Variants in AGO2 observed in about 807,000 individuals in gnomAD.
AGO2 encodes protein argonaute-2.
Under a neutral mutation model 102.3 loss-of-function variants are expected in AGO2, and 5 were observed. The observed-to-expected ratio is 0.05, with a 90% CI of 0.03 to 0.10. AGO2 has a LOEUF of 0.10. Ranked by LOEUF, AGO2 falls within the 10% of genes least tolerant of loss-of-function variation. The pLI is 1.00. For synonymous variants in AGO2, 449 were observed against 473.1 expected, an observed-to-expected ratio of 0.95 and a Z score of 0.66; for missense variants, 541 against 1,183.7, an observed-to-expected ratio of 0.46 and a Z score of 7.97.
chr8:140,568,456 C>T (rs528487283), intron 3 of AGO2, among the ~76,000 whole-genome samples: 1 of 152,264 alleles, frequency 6.6e-6, no homozygotes, highest in South Asian at 2.1e-4. Flanking sequence ...GAGGGAGGCA[C>T]TGCAGGCGTG....
At chr8:140,547,718 C>G in intron 12 of AGO2, 91 bp from the exon 13 acceptor site, 1 of 1,508,534 alleles carries the variant, frequency 6.6e-7, no homozygotes, top group Non-Finnish European at 8.9e-7. Context: ...CTCTTGCCCC[C>G]ATCTGGCAAG....
chr8:140,541,456 C>T, intron 14 of AGO2, 98 bp from the exon 15 acceptor site: 1 of 1,176,032 alleles, frequency 8.5e-7, no homozygotes, highest in Non-Finnish European at 1.2e-6. Context: ...GAGAAGTGTC[C>T]CCACCCTGGA....
In AGO2 at chr8:140,567,012, C is replaced by T. The variant is rs1462336153; in HGVS notation, c.337-4378G>A. 6.6e-6 allele frequency among the ~76,000 whole-genome samples: 1 copy of T among 152,258 alleles called. No homozygotes were observed. The highest frequency in any genetic ancestry group is 1.5e-5 in the Non-Finnish European group (1 of 68,042). ...CCCGAGTACATCTGCGGCAACAGCA[C>T]TCGGCATCCAGCCTACAGTGCTGTG... is the stretch of plus-strand genomic sequence containing the variant. On this transcript the variant is annotated intron_variant, in intron 3 of 18. Transcript: ENST00000220592. The surrounding 1 kb of genome is among the most constrained non-coding windows in gnomAD (Gnocchi z 5.0).
At chr8:140,535,960 A>G (rs1345507657) in intron 16 of AGO2, among the ~76,000 whole-genome samples, 1 of 152,228 alleles carries the variant, frequency 6.6e-6, no homozygotes, top group Non-Finnish European at 1.5e-5. Context: ...GCTGCGGACA[A>G]GCCATCATCC....
chr8:140,557,379 G>T lies in AGO2; in HGVS notation c.879-143C>A. On this transcript the variant is annotated intron_variant, in intron 7 of 18. Coordinates refer to ENST00000220592, the MANE Select transcript of AGO2 (RefSeq NM_012154.5). This position sits in a 1 kb window ranked among gnomAD's most constrained non-coding sequence, Gnocchi z 5.9. ...TCCGGGAGTGAAAACCATGTCATGT[G>T]CTTTGGGTTATCTGGAATGTTTCTG... 9.3e-7 allele frequency: 1 copy of T among 1,073,550 alleles called. No individual in the cohort carries two copies. Among genetic ancestry groups the T allele is most frequent in the Non-Finnish European group, 1.3e-6 (1 of 769,322 alleles). 66.5% of individuals were successfully genotyped at this position (1,073,550 alleles called of 1,614,324 possible).
chr8:140,618,910 T>C lies in AGO2; in HGVS notation c.22+16575A>G, dbSNP rs537391612. Among the ~76,000 whole-genome samples the C allele has an allele frequency of 5.9e-5, 9 of 152,070 alleles. No individual in the cohort carries two copies. The East Asian group carries it at 1.7e-3, about 29-fold the overall frequency. ...TTACTTCCACATCTCCTAAACTATT[T>C]GAAATGAGCATGTCTTTCTTTTTAT... On this transcript the variant is annotated intron_variant, in intron 1 of 18. Transcript: ENST00000220592.
chr8:140,608,086 T>C (rs1416085324), intron 1 of AGO2, among the ~76,000 whole-genome samples: 1 of 152,176 alleles, frequency 6.6e-6, no homozygotes, highest in Admixed American at 6.5e-5. Context: ...CAACAGGTTC[T>C]TTAGATCTTT....
At chr8:140,546,673 G>A (rs114934130) in intron 13 of AGO2, among the ~76,000 whole-genome samples, 152 of 152,362 alleles carry the variant, frequency 1.0e-3, no homozygotes, top group African/African-American at 3.5e-3. Flanking sequence ...CGCCACAGGG[G>A]CTGCCTATGG....
intron 14 of AGO2, among the ~76,000 whole-genome samples, chr8:140,543,092 G>A (rs1306282915): frequency 3.3e-5 from 5 of 151,984 alleles, no homozygotes; most frequent in South Asian, 2.1e-4. Context: ...AGCTGAGATC[G>A]CACCACTGCA....
At chr8:140,547,419 T>C in intron 13 of AGO2, 49 bp downstream of exon 13, 1 of 1,593,500 alleles carries the variant, frequency 6.3e-7, no homozygotes, top group Non-Finnish European at 8.6e-7. Flanking sequence ...CTGCCAAGCG[T>C]CCCACTGTGC....
chr8:140,552,323 T>C (rs868684171), intron 10 of AGO2, among the ~76,000 whole-genome samples: 11 of 152,216 alleles, frequency 7.2e-5, no homozygotes, highest in African/African-American at 2.4e-4. Context: ...CAGCCAGCTC[T>C]CAGCCAGCCC....
Position 140,613,279 on chromosome 8 carries a change from A to G in AGO2, c.22+22206T>C, listed in dbSNP as rs1245715888. On this transcript the variant is annotated intron_variant, in intron 1 of 18. Coordinates refer to ENST00000220592, the MANE Select transcript of AGO2 (RefSeq NM_012154.5). ...ATGCAGAAGCCAGCTGATGCTTTCT[A>G]TTAAGGCAGACCTTAAGGAGATTTA... 2.6e-5 allele frequency among the ~76,000 whole-genome samples: 4 copies of G among 152,260 alleles called. No individual in the cohort carries two copies. In the South Asian group the frequency reaches 8.3e-4, roughly 32 times the overall value.
rs965746240 is a variant in AGO2 at position 140,567,230 on chromosome 8, C to T, written c.337-4596G>A. ...CACCCCGGGCTCTGTAACTATCTGC[C>T]CATCCCACGTCCACAGTGGCTGGCT... On this transcript the variant is annotated intron_variant, in intron 3 of 18. Coordinates refer to ENST00000220592, the MANE Select transcript of AGO2 (RefSeq NM_012154.5). The surrounding 1 kb of genome is among the most constrained non-coding windows in gnomAD (Gnocchi z 5.0). 2.6e-5 allele frequency among the ~76,000 whole-genome samples: 4 copies of T among 152,250 alleles called. No individual in the cohort carries two copies. Among genetic ancestry groups the T allele is most frequent in the African/African-American group, 9.6e-5 (4 of 41,470 alleles).
chr8:140,541,864 C>T (rs2072804423), intron 14 of AGO2, among the ~76,000 whole-genome samples: 2 of 152,202 alleles, frequency 1.3e-5, no homozygotes, highest in South Asian at 2.1e-4. Flanking sequence ...GATCACACCA[C>T]GCACTCCAGC....
intron 6 of AGO2, 92 bp from the exon 7 acceptor site, chr8:140,558,664 C>A: frequency 7.2e-7 from 1 of 1,398,522 alleles, no homozygotes; most frequent in South Asian, 1.2e-5. Context: ...AGGAATGTGG[C>A]TGGGGACCCA....
At chr8:140,632,917 T>C (rs1365405793) in intron 1 of AGO2, among the ~76,000 whole-genome samples, 1 of 151,792 alleles carries the variant, frequency 6.6e-6, no homozygotes, top group Non-Finnish European at 1.5e-5. Context: ...TTTTTTTTTT[T>C]TTTCTTGAGA....
chr8:140,618,363 C>T (rs541581686), intron 1 of AGO2, among the ~76,000 whole-genome samples: 5 of 151,606 alleles, frequency 3.3e-5, no homozygotes, highest in East Asian at 3.9e-4. Context: ...ATGGCTCACA[C>T]GTATAATCTC....
intron 1 of AGO2, among the ~76,000 whole-genome samples, chr8:140,598,724 C>T (rs1387494252): frequency 2.0e-5 from 3 of 152,196 alleles, no homozygotes; most frequent in Non-Finnish European, 4.4e-5. Flanking sequence ...TCCCCAACCC[C>T]GTTTCCTCCT....
At chr8:140,640,954 G>A in the AGO2 span, among the ~76,000 whole-genome samples, 1 of 152,168 alleles carries the variant, frequency 6.6e-6, no homozygotes, top group Non-Finnish European at 1.5e-5. Context: ...TTGTGTGGAT[G>A]TGGTGTATCC....
Sources: gnomAD v4.1 joint callset for allele counts (sites outside exome capture counted in the v4.1 genomes callset) on GRCh38, gnomAD v4.1.1 for gene constraint, Gnocchi (gnomAD v3.1) non-coding constraint, MANE v1.5 for transcripts, NCBI Gene and HGNC (gene_info 2026-07-23, HGNC 2026-07-21) for gene names.